The following CAVIN2 variants were observed in gnomAD, a reference collection of about 807,000 sequenced individuals.
CAVIN2 encodes the protein caveolae associated protein 2.
CAVIN2 carries 13 observed loss-of-function variants against 11.7 expected under a neutral mutation model. That is an observed-to-expected ratio of 1.11 (90% CI 0.72 to 1.77). The LOEUF (loss-of-function observed/expected upper bound fraction) is 1.77, where lower values mean the gene tolerates loss of function less well. Ranked by LOEUF, CAVIN2 falls within the 40% of genes most tolerant of loss-of-function variation. The pLI is 0.00. For synonymous variants in CAVIN2, 237 were observed against 223.2 expected (o/e 1.06, Z -0.55); for missense variants, 549 against 542.9 (o/e 1.01, Z -0.11).
chr2:191,835,797 G>T lies in CAVIN2; in HGVS notation c.*126C>A, dbSNP rs1354787404. 56 of 911,666 alleles carry T rather than the reference G, an allele frequency of 6.1e-5. No homozygotes were observed. Among genetic ancestry groups the T allele is most frequent in the Non-Finnish European group, 8.6e-5 (53 of 616,078 alleles). The allele number at this position is 911,666 out of a possible 1,614,324, so 56.5% of individuals were successfully genotyped here. On this transcript the variant is annotated 3_prime_UTR_variant, in exon 2 of 2. Coordinates refer to ENST00000304141, the MANE Select transcript of CAVIN2 (RefSeq NM_004657.6). The stretch of plus-strand genomic sequence containing the variant: ...TCGTGTGTCTTACTATGACTATATG[G>T]TCAATGATTACTGCCTGGACAGGAA...
rs369316918 is a variant in CAVIN2 at position 191,836,657 on chromosome 2, C to T, written c.544G>A (p.Gly182Arg). 63 of 1,613,882 alleles carry T rather than the reference C, an allele frequency of 3.9e-5. No homozygotes were observed. The highest frequency in any genetic ancestry group is 5.1e-5 in the Non-Finnish European group (60 of 1,179,976). The stretch of plus-strand genomic sequence containing the variant: ...TTTTCATCCGGAAGCTCCTCCTTCC[C>T]TTCCACGGCACCGGAAACGGGCTGT... The part of the protein sequence containing the change: ...VKQPVSGAVE[G>R]KEELPDENKS... The change falls in exon 2 of 2, where the codon GGG (glycine) becomes AGG (arginine). Residue 182 changes from glycine (G) to arginine (R), a missense_variant. Gly to Arg is a moderately radical substitution (Grantham distance 125). Coordinates refer to ENST00000304141, the MANE Select transcript of CAVIN2 (RefSeq NM_004657.6).
chr2:191,835,795 T>G lies in CAVIN2; in HGVS notation c.*128A>C. The G allele has an allele frequency of 6.8e-6, 6 of 883,550 alleles. No homozygotes were observed. The highest frequency in any genetic ancestry group is 1.0e-5 in the Non-Finnish European group (6 of 591,352). 54.7% of individuals were successfully genotyped at this position (883,550 alleles called of 1,614,324 possible). A position where few individuals can be genotyped will look rare whatever the true frequency, so the allele number is the denominator to read the frequency against. ...TCTCGTGTGTCTTACTATGACTATA[T>G]GGTCAATGATTACTGCCTGGACAGG... On this transcript the variant is annotated 3_prime_UTR_variant, in exon 2 of 2. Coordinates refer to ENST00000304141, the MANE Select transcript of CAVIN2 (RefSeq NM_004657.6).
At chr2:191,844,879 C>G (rs1322016252) in intron 1 of CAVIN2, among the ~76,000 whole-genome samples, 1 of 152,140 alleles carries the variant, frequency 6.6e-6, no homozygotes, top group Non-Finnish European at 1.5e-5. Context: ...TACTTTTTTC[C>G]TCCTCCTTAA....
At chr2:191,843,294 C>T (rs576540496) in intron 1 of CAVIN2, among the ~76,000 whole-genome samples, 1 of 152,358 alleles carries the variant, frequency 6.6e-6, no homozygotes, top group Admixed American at 6.5e-5. Flanking sequence ...GTACTCTTCT[C>T]AACAGTACCA....
chr2:191,843,994 C>A (rs759368194), intron 1 of CAVIN2, among the ~76,000 whole-genome samples: 5 of 152,120 alleles, frequency 3.3e-5, no homozygotes, highest in Non-Finnish European at 7.4e-5. Context: ...TAAACGTTTT[C>A]GAATCTCAAC....
chr2:191,844,118 G>C lies in CAVIN2; in HGVS notation c.483+2325C>G, dbSNP rs956919263. Among the ~76,000 whole-genome samples, 7 of 152,148 alleles carry C rather than the reference G, an allele frequency of 4.6e-5. No individual in the cohort carries two copies. In the South Asian group the frequency reaches 8.3e-4, roughly 18 times the overall value. ...TTAATATCATCAGTGTATAGATGAGGAAACAGGTTTGGAGAAGCTACAAAC... is the reference window on the plus strand; with the variant it reads ...TTAATATCATCAGTGTATAGATGAGCAAACAGGTTTGGAGAAGCTACAAAC... On this transcript the variant is annotated intron_variant, in intron 1 of 1. Transcript: ENST00000304141.
In CAVIN2 at chr2:191,840,496, A is replaced by T. The variant is rs1574194987; in HGVS notation, c.484-3779T>A. 3.3e-5 allele frequency among the ~76,000 whole-genome samples: 5 copies of T among 152,370 alleles called. No individual in the cohort carries two copies. In the South Asian group the frequency reaches 1.0e-3, roughly 32 times the overall value. On this transcript the variant is annotated intron_variant, in intron 1 of 1. Transcript: ENST00000304141. ...TTTTTCAAAGGAAGGGGAATAAAAC[A>T]GCACACTTCAAACATATATGACTGA...
chr2:191,841,037 A>G (rs1439823646), intron 1 of CAVIN2, among the ~76,000 whole-genome samples: 1 of 152,170 alleles, frequency 6.6e-6, no homozygotes, highest in African/African-American at 2.4e-5. Context: ...TCTTTTACAC[A>G]TTGATGGTTT....
chr2:191,846,615 T>TG lies in CAVIN2; in HGVS notation c.310dup (p.Gln104ProfsTer31). 1 of 1,614,252 alleles carries TG rather than the reference T, an allele frequency of 6.2e-7. No homozygotes were observed. ...GCTCACCGTGTTGCTGGTGGAGGCC[T>TG]GGTACTTGGAGAGCTTGGTGAGGTC... On this transcript the variant is annotated frameshift_variant, in exon 1 of 2. Transcript: ENST00000304141. LOFTEE classifies it high-confidence loss of function.
At position 191,836,057 on chromosome 2, in the gene CAVIN2, C is replaced by G; in HGVS notation, c.1144G>C (p.Glu382Gln). ...GCCTGTTCCAGGGCCACTGACTCCT[C>G]CTCTTCATCTTCCACAATAGTCAAG... is the stretch of plus-strand genomic sequence containing the variant. Reference protein sequence around the residue: ...IDLTIVEDEEEESVALEQAQK... With the variant: ...IDLTIVEDEEQESVALEQAQK... The change falls in exon 2 of 2, where the codon GAG (glutamate) becomes CAG (glutamine). Residue 382 changes from glutamate (E) to glutamine (Q), a missense_variant. Transcript: ENST00000304141. 1 of 1,614,240 alleles carries G rather than the reference C, an allele frequency of 6.2e-7. No homozygotes were observed. Among genetic ancestry groups the G allele is most frequent in the Non-Finnish European group, 8.5e-7 (1 of 1,180,046 alleles).
chr2:191,836,446 T>C lies in CAVIN2; in HGVS notation c.755A>G (p.Glu252Gly). The C allele has an allele frequency of 2.5e-6, 4 of 1,614,202 alleles. No homozygotes were observed. The highest frequency in any genetic ancestry group is 3.4e-6 in the Non-Finnish European group (4 of 1,180,046). ...LKKAFSRQNI[E>G]KKMNKLGTKI... ...TGTCCCCAGCTTGTTCATCTTTTTCTCGATGTTCTGGCGAGAAAATGCTTT... is the reference window on the plus strand; with the variant it reads ...TGTCCCCAGCTTGTTCATCTTTTTCCCGATGTTCTGGCGAGAAAATGCTTT... Residue 252 changes from glutamate to glycine, a missense_variant, in exon 2 of 2, where the codon GAG becomes GGG. Physicochemically the swap from Glu to Gly is moderately conservative, Grantham distance 98 (BLOSUM62 -2). Transcript: ENST00000304141.
rs368267422 is a variant in CAVIN2 at position 191,838,022 on chromosome 2, G to A, written c.484-1305C>T. On this transcript the variant is annotated intron_variant, in intron 1 of 1. Coordinates refer to ENST00000304141, the MANE Select transcript of CAVIN2 (RefSeq NM_004657.6). Reference sequence around the variant, plus strand: ...GGGCTCTGCTGGAATGCCAGAGGGGGGCAAAGCTCCAGACCCCCCTGCCAC... The same window carrying A: ...GGGCTCTGCTGGAATGCCAGAGGGGAGCAAAGCTCCAGACCCCCCTGCCAC... 2.0e-4 allele frequency among the ~76,000 whole-genome samples: 30 copies of A among 152,308 alleles called. No homozygotes were observed. In the South Asian group the frequency reaches 5.4e-3, roughly 27 times the overall value.
chr2:191,840,287 T>G (rs1002142887), intron 1 of CAVIN2, among the ~76,000 whole-genome samples: 2 of 152,230 alleles, frequency 1.3e-5, no homozygotes, highest in Non-Finnish European at 2.9e-5. Flanking sequence ...CTAGGTCTAC[T>G]TAGGGTTCGT....
chr2:191,846,746 C>T lies in CAVIN2; in HGVS notation c.180G>A (p.Thr60=). 1.2e-6 allele frequency: 2 copies of T among 1,614,190 alleles called. No homozygotes were observed. The highest frequency in any genetic ancestry group is 8.5e-7 in the Non-Finnish European group (1 of 1,180,046). Residue 60 remains threonine, a synonymous_variant, in exon 1 of 2, where the codon ACG becomes ACA. Coordinates refer to ENST00000304141, the MANE Select transcript of CAVIN2 (RefSeq NM_004657.6). ...NSQVNAVTVL[T]LLDKLVNMLD... ...GCATGTTCACCAGCTTGTCCAGGAG[C>T]GTGAGCACCGTGACTGCGTTCACCT... is the stretch of plus-strand genomic sequence containing the variant.
At chr2:191,837,829 A>G (rs904260417) in intron 1 of CAVIN2, among the ~76,000 whole-genome samples, 3 of 152,256 alleles carry the variant, frequency 2.0e-5, no homozygotes, top group Admixed American at 6.5e-5. Flanking sequence ...ATGGCACAGT[A>G]GTGAATGTGT....
At position 191,836,278 on chromosome 2, in the gene CAVIN2, T is replaced by C. The variant is rs1222675673; in HGVS notation, c.923A>G (p.His308Arg). 5 of 1,614,060 alleles carry C rather than the reference T, an allele frequency of 3.1e-6. No homozygotes were observed. Among genetic ancestry groups the C allele is most frequent in the Non-Finnish European group, 4.2e-6 (5 of 1,180,032 alleles). Reference sequence around the variant, plus strand: ...TTCTGACTTGGTCTCATTTTCTGCATGGCTTTCTCCCTCTCGGACTTTCTT... The same window carrying C: ...TTCTGACTTGGTCTCATTTTCTGCACGGCTTTCTCCCTCTCGGACTTTCTT... The part of the protein sequence containing the change: ...GRKKVREGES[H>R]AENETKSEDL... Residue 308 changes from histidine to arginine, a missense_variant, in exon 2 of 2, where the codon CAT becomes CGT. Coordinates refer to ENST00000304141, the MANE Select transcript of CAVIN2 (RefSeq NM_004657.6).
chr2:191,843,356 T>G (rs1690120534), intron 1 of CAVIN2, among the ~76,000 whole-genome samples: 1 of 152,190 alleles, frequency 6.6e-6, no homozygotes, highest in African/African-American at 2.4e-5. Flanking sequence ...GCTCTCTTAT[T>G]TTTACATAAT....
chr2:191,835,705 A>C lies in CAVIN2; in HGVS notation c.*218T>G. The C allele has an allele frequency of 1.9e-6, 1 of 522,902 alleles. No homozygotes were observed. Among genetic ancestry groups the C allele is most frequent in the South Asian group, 3.5e-5 (1 of 28,386 alleles). The allele number at this position is 522,902 out of a possible 1,614,324, so 32.4% of individuals were successfully genotyped here. On this transcript the variant is annotated 3_prime_UTR_variant, in exon 2 of 2. Transcript: ENST00000304141. ...CTTCAATCTTGGAGACATTCTACAGAGATAGAACCTAAGAGCAAATTAAAA... is the reference window on the plus strand; with the variant it reads ...CTTCAATCTTGGAGACATTCTACAGCGATAGAACCTAAGAGCAAATTAAAA...
chr2:191,846,326 T>C, intron 1 of CAVIN2, 117 bp downstream of exon 1: 2 of 1,241,940 alleles, frequency 1.6e-6, no homozygotes, highest in Non-Finnish European at 2.2e-6. Context: ...GTGCCTTGTA[T>C]GTGTGATCCC....
Sources: gnomAD v4.1 joint callset for allele counts (sites outside exome capture counted in the v4.1 genomes callset) on GRCh38, gnomAD v4.1.1 for gene constraint, MANE v1.5 for transcripts, NCBI Gene and HGNC (gene_info 2026-07-23, HGNC 2026-07-21) for gene names.